The following GREB1L variants were observed in gnomAD, a reference collection of about 807,000 sequenced individuals.
GREB1L encodes the protein GREB1-like protein.
Under a neutral mutation model 200.8 loss-of-function variants are expected in GREB1L, and 17 were observed. That is an observed-to-expected ratio of 0.08 (90% CI 0.06 to 0.13). GREB1L has a LOEUF of 0.13. Ranked by LOEUF, GREB1L falls within the 10% of genes least tolerant of loss-of-function variation. The pLI, the probability that GREB1L is intolerant of heterozygous loss-of-function variation, is 1.00. For synonymous variants in GREB1L, 789 were observed against 893.0 expected (o/e 0.88, Z 2.08); for missense variants, 1,657 against 2,367.7 (o/e 0.70, Z 6.23).
At chr18:21,268,552 CACACACACATATATATATATATAT>C (rs1313691061) in intron 1 of GREB1L, among the ~76,000 whole-genome samples, 26 of 98,942 alleles carry the variant, frequency 2.6e-4, no homozygotes, top group African/African-American at 1.3e-3. Context: ...CACACACACA[CACACACACATATATATATATATAT>C]ATATATATAT....
chr18:21,342,303 G>A (rs1373704190), intron 1 of GREB1L, among the ~76,000 whole-genome samples: 1 of 152,088 alleles, frequency 6.6e-6, no homozygotes, highest in East Asian at 1.9e-4. Flanking sequence ...TTTTGGTCAT[G>A]AACATGTTAT....
chr18:21,459,764 T>C (rs1472988462), intron 15 of GREB1L, among the ~76,000 whole-genome samples: 1 of 152,182 alleles, frequency 6.6e-6, no homozygotes, highest in Non-Finnish European at 1.5e-5. Flanking sequence ...ACAGTATTTT[T>C]TGTTCAGTGA....
chr18:21,377,692 T>C (rs1344263937), intron 2 of GREB1L, among the ~76,000 whole-genome samples: 1 of 151,960 alleles, frequency 6.6e-6, no homozygotes, highest in Admixed American at 6.6e-5. Context: ...TAAGTGAGAC[T>C]GTGTCTCAAA....
intron 17 of GREB1L, among the ~76,000 whole-genome samples, chr18:21,484,088 G>T (rs2036028271): frequency 6.6e-6 from 1 of 151,466 alleles, no homozygotes; most frequent in Admixed American, 6.6e-5. Flanking sequence ...CTTTATCCCT[G>T]GCCCAATCTT....
chr18:21,446,889 T>C (rs1310038193), intron 11 of GREB1L, among the ~76,000 whole-genome samples: 1 of 152,184 alleles, frequency 6.6e-6, no homozygotes, highest in Non-Finnish European at 1.5e-5. Context: ...TCTCAGTCAT[T>C]TCACAGTCAG....
At chr18:21,346,163 G>A (rs2039342032) in intron 1 of GREB1L, among the ~76,000 whole-genome samples, 1 of 152,016 alleles carries the variant, frequency 6.6e-6, no homozygotes, top group African/African-American at 2.4e-5. Flanking sequence ...GAATTACTTC[G>A]CCGTGTCATC....
At chr18:21,516,959 T>A (rs1163811364) in intron 30 of GREB1L, among the ~76,000 whole-genome samples, 1 of 150,266 alleles carries the variant, frequency 6.7e-6, no homozygotes, top group Non-Finnish European at 1.5e-5. Context: ...CTGCAAGCTC[T>A]GCCTCCTGGG....
chr18:21,397,011 GTATT>G (rs1160268039), intron 5 of GREB1L, among the ~76,000 whole-genome samples: 1 of 152,076 alleles, frequency 6.6e-6, no homozygotes, highest in African/African-American at 2.4e-5. Flanking sequence ...ATCATGATGT[GTATT>G]TATTTTTGTA....
At chr18:21,352,516 C>T (rs1805668401) in intron 1 of GREB1L, among the ~76,000 whole-genome samples, 1 of 149,604 alleles carries the variant, frequency 6.7e-6, no homozygotes, top group African/African-American at 2.5e-5. Flanking sequence ...TCACTGTAAC[C>T]TCCGCTTCCC....
intron 7 of GREB1L, among the ~76,000 whole-genome samples, chr18:21,438,285 GA>G (rs1568011021): frequency 6.6e-6 from 1 of 151,684 alleles, no homozygotes; most frequent in African/African-American, 2.4e-5. Context: ...AGAAGAAGAA[GA>G]AAAAAAGAAA....
chr18:21,421,242 G>T (rs538827380), intron 7 of GREB1L, among the ~76,000 whole-genome samples: 3 of 152,130 alleles, frequency 2.0e-5, no homozygotes, highest in Admixed American at 2.0e-4. Context: ...ACCAAATTGT[G>T]TACTTTAAGT....
chr18:21,311,825 G>GT (rs566588553), intron 1 of GREB1L, among the ~76,000 whole-genome samples: 196 of 151,086 alleles, frequency 1.3e-3, no homozygotes, highest in South Asian at 5.5e-3. Flanking sequence ...TGGCAGAGAG[G>GT]TTTTTTTTTA....
chr18:21,395,700 T>G (rs927620980), intron 5 of GREB1L, 139 bp downstream of exon 5: 1 of 606,188 alleles, frequency 1.6e-6, no homozygotes, highest in Non-Finnish European at 2.7e-6. Context: ...TTATGAGACA[T>G]TTTTTCTTTT....
chr18:21,458,314 A>C (rs1192004463), intron 15 of GREB1L, among the ~76,000 whole-genome samples: 1 of 152,078 alleles, frequency 6.6e-6, no homozygotes, highest in African/African-American at 2.4e-5. Context: ...GCCTCGTTTC[A>C]TGCCTCTCTT....
chr18:21,309,308 G>A (rs2038753714), intron 1 of GREB1L, among the ~76,000 whole-genome samples: 1 of 152,200 alleles, frequency 6.6e-6, no homozygotes, highest in African/African-American at 2.4e-5. Flanking sequence ...CAGAAGAGCT[G>A]TTCAGTCAGA....
intron 15 of GREB1L, among the ~76,000 whole-genome samples, chr18:21,470,730 A>G (rs1416283693): frequency 7.2e-5 from 11 of 152,230 alleles, no homozygotes; most frequent in Admixed American, 6.5e-5. Flanking sequence ...CAATTACAAA[A>G]TGTGAGTCAG....
At position 21,395,467 on chromosome 18, in the gene GREB1L, G is replaced by T. The variant is rs186660389; in HGVS notation, c.438G>T (p.Val146=). The stretch of plus-strand genomic sequence containing the variant: ...ACATCCCAGCAGGATTCCTCCTGGT[G>T]GGGGCCAAGTCTCCCAATCTGCCTG... ...QIDIPAGFLL[V]GAKSPNLPEH... is the part of the protein sequence containing the mutation. Residue 146 remains valine, a synonymous_variant, in exon 5 of 33, where the codon GTG becomes GTT. Transcript: ENST00000424526. The T allele has an allele frequency of 2.6e-6, 4 of 1,550,616 alleles. No individual in the cohort carries two copies. The East Asian group carries it at 9.8e-5, about 38-fold the overall frequency.
chr18:21,445,006 TC>T (rs553998065), intron 11 of GREB1L, among the ~76,000 whole-genome samples: 171 of 152,294 alleles, frequency 1.1e-3, no homozygotes, highest in African/African-American at 3.9e-3. Context: ...ACCCTTCACT[TC>T]CTCTATCTGA....
chr18:21,360,871 T>A (rs1359998197), intron 1 of GREB1L, among the ~76,000 whole-genome samples: 1 of 152,252 alleles, frequency 6.6e-6, no homozygotes, highest in Non-Finnish European at 1.5e-5. Context: ...TTCACTGTGT[T>A]TCACATTTGG....
Sources: allele counts gnomAD v4.1 joint callset (sites outside exome capture counted in the v4.1 genomes callset), GRCh38; gene constraint gnomAD v4.1.1; transcripts MANE v1.5; gene names NCBI Gene and HGNC (gene_info 2026-07-23, HGNC 2026-07-21).